PPP1R9A: variants seen among roughly 807,000 people sequenced by gnomAD.
The protein encoded by PPP1R9A is protein phosphatase 1 regulatory subunit 9A.
Under a neutral mutation model 141.9 loss-of-function variants are expected in PPP1R9A, and 59 were observed. The observed-to-expected ratio is 0.42, with a 90% CI of 0.34 to 0.52. The LOEUF (loss-of-function observed/expected upper bound fraction) is 0.52, where lower values mean the gene tolerates loss of function less well. Among genes scored for constraint, PPP1R9A ranks in the 20% least tolerant of loss-of-function variants. PPP1R9A has a pLI of 0.10. For synonymous variants in PPP1R9A, 500 were observed against 569.7 expected (o/e 0.88, Z 1.74); for missense variants, 1,444 against 1,611.9 (o/e 0.90, Z 1.78).
intron 2 of PPP1R9A, among the ~76,000 whole-genome samples, chr7:95,043,802 C>G (rs750224493): frequency 6.6e-5 from 10 of 152,178 alleles, no homozygotes; most frequent in Non-Finnish European, 1.5e-4. Flanking sequence ...CATCAAATTC[C>G]TCTAACGATA....
chr7:95,174,720 T>C (rs1217372646), intron 5 of PPP1R9A, among the ~76,000 whole-genome samples: 1 of 152,146 alleles, frequency 6.6e-6, no homozygotes, highest in Non-Finnish European at 1.5e-5. Context: ...TTTAAAATAT[T>C]ATTATTGACT....
chr7:94,995,126 A>AT (rs1324081870), intron 2 of PPP1R9A, among the ~76,000 whole-genome samples: 40 of 125,580 alleles, frequency 3.2e-4, no homozygotes, highest in Non-Finnish European at 5.6e-4. Flanking sequence ...TTCTAAGTTG[A>AT]TATTTTTTTT....
chr7:95,285,500 A>G (rs1196269653), intron 17 of PPP1R9A, among the ~76,000 whole-genome samples: 1 of 152,204 alleles, frequency 6.6e-6, no homozygotes. Flanking sequence ...TGATTTTCAT[A>G]TCCACTGAAT....
intron 12 of PPP1R9A, among the ~76,000 whole-genome samples, chr7:95,267,030 A>C (rs1801407550): frequency 6.6e-6 from 1 of 152,146 alleles, no homozygotes; most frequent in Non-Finnish European, 1.5e-5. Flanking sequence ...TTTTCTGAGT[A>C]TTCATTCTTC....
At chr7:95,042,772 C>T (rs1349128025) in intron 2 of PPP1R9A, among the ~76,000 whole-genome samples, 1 of 152,066 alleles carries the variant, frequency 6.6e-6, no homozygotes, top group African/African-American at 2.4e-5. Flanking sequence ...ATCAAGCTGA[C>T]AAAATACAAT....
intron 5 of PPP1R9A, among the ~76,000 whole-genome samples, chr7:95,164,846 T>TA (rs1191053081): frequency 6.6e-6 from 1 of 151,458 alleles, no homozygotes; most frequent in Non-Finnish European, 1.5e-5. Context: ...TCCTAGAGCT[T>TA]AAGAATAGTA....
intron 2 of PPP1R9A, among the ~76,000 whole-genome samples, chr7:94,974,514 A>G (rs1007068802): frequency 1.6e-4 from 24 of 152,210 alleles, no homozygotes; most frequent in Non-Finnish European, 2.9e-4. Context: ...TGGATGATGT[A>G]TCAGAGGAAG....
chr7:95,010,217 C>A (rs1001083096), intron 2 of PPP1R9A, among the ~76,000 whole-genome samples: 63 of 152,104 alleles, frequency 4.1e-4, no homozygotes, highest in African/African-American at 1.4e-3. Context: ...CACAGTGAGA[C>A]ACTGTCTCTA....
rs541772703 is a variant in PPP1R9A, at chr7:95,292,518, T to G, written c.*2215T>G. 6.5e-6 allele frequency: 1 copy of G among 152,750 alleles called. No homozygotes were observed. Among genetic ancestry groups the G allele is most frequent in the South Asian group, 2.1e-4 (1 of 4,830 alleles). 9.5% of individuals were successfully genotyped at this position (152,750 alleles called of 1,614,324 possible). A position where few individuals can be genotyped will look rare whatever the true frequency, so the allele number is the denominator to read the frequency against. On this transcript the variant is annotated 3_prime_UTR_variant, in exon 20 of 20. Coordinates refer to ENST00000433360, the MANE Select transcript of PPP1R9A (RefSeq NM_001166160.2). ...GAAATGTCTGTAAGTGTCTTGTTTT[T>G]GCACCTAATTTATGATCTATTATAT...
intron 2 of PPP1R9A, among the ~76,000 whole-genome samples, chr7:95,034,527 A>G (rs571056877): frequency 6.6e-6 from 1 of 152,074 alleles, no homozygotes; most frequent in Admixed American, 6.5e-5. Context: ...TAATTTTCAC[A>G]TTTTTAGTAG....
chr7:94,946,567 A>T (rs1051508130), intron 2 of PPP1R9A, among the ~76,000 whole-genome samples: 4 of 152,012 alleles, frequency 2.6e-5, no homozygotes, highest in Non-Finnish European at 4.4e-5. Flanking sequence ...ACTCATTTGC[A>T]TATTTTATTT....
At chr7:95,083,687 T>C (rs538338308) in intron 2 of PPP1R9A, among the ~76,000 whole-genome samples, 4 of 152,104 alleles carry the variant, frequency 2.6e-5, no homozygotes, top group Non-Finnish European at 5.9e-5. Flanking sequence ...ATATAGACTT[T>C]AGTGTAGAAG....
intron 12 of PPP1R9A, among the ~76,000 whole-genome samples, chr7:95,267,261 C>T (rs1426864036): frequency 6.6e-6 from 1 of 152,004 alleles, no homozygotes; most frequent in Admixed American, 6.6e-5. Context: ...AAGGAATTGC[C>T]TGAGCTAATA....
At chr7:95,165,873 C>T (rs564228057) in intron 5 of PPP1R9A, among the ~76,000 whole-genome samples, 46 of 152,186 alleles carry the variant, frequency 3.0e-4, no homozygotes, top group Admixed American at 5.2e-4. Context: ...TTGGGTCAGG[C>T]GCAGTGGCTC....
At chr7:94,994,646 A>G (rs1801934120) in intron 2 of PPP1R9A, among the ~76,000 whole-genome samples, 1 of 152,184 alleles carries the variant, frequency 6.6e-6, no homozygotes, top group African/African-American at 2.4e-5. Context: ...CTGTAATTCC[A>G]GCACTTTGGG....
At chr7:95,163,796 G>T (rs1013528204) in intron 5 of PPP1R9A, among the ~76,000 whole-genome samples, 1 of 152,110 alleles carries the variant, frequency 6.6e-6, no homozygotes, top group South Asian at 2.1e-4. Flanking sequence ...CTGGAGTGCA[G>T]TGGCGCAGTC....
At chr7:94,970,699 G>A (rs551730308) in intron 2 of PPP1R9A, among the ~76,000 whole-genome samples, 1 of 149,168 alleles carries the variant, frequency 6.7e-6, no homozygotes, top group Non-Finnish European at 1.5e-5. Context: ...GCAGTGGTGC[G>A]ATTTCAGCAT....
chr7:95,084,633 T>G (rs1371794976), intron 2 of PPP1R9A, among the ~76,000 whole-genome samples: 2 of 152,008 alleles, frequency 1.3e-5, no homozygotes, highest in East Asian at 3.9e-4. Context: ...TTACCAAGCA[T>G]TTTATATTCT....
chr7:95,161,597 G>A (rs1472989469), intron 4 of PPP1R9A, among the ~76,000 whole-genome samples: 2 of 152,090 alleles, frequency 1.3e-5, no homozygotes, highest in Non-Finnish European at 2.9e-5. Context: ...CAATGCAAAT[G>A]CTGTGTAGTT....
Sources: allele counts gnomAD v4.1 joint callset (sites outside exome capture counted in the v4.1 genomes callset), GRCh38; gene constraint gnomAD v4.1.1; transcripts MANE v1.5; gene names NCBI Gene and HGNC (gene_info 2026-07-23, HGNC 2026-07-21).